Variants in DGKG observed in about 807,000 individuals in gnomAD.
The protein encoded by DGKG is diacylglycerol kinase gamma.
A neutral mutation model predicts 105.3 loss-of-function variants in DGKG; 78 were observed. The ratio of observed to expected loss-of-function variants is 0.74; its 90% CI spans 0.62 to 0.89. The LOEUF (loss-of-function observed/expected upper bound fraction) is 0.89. Ranked by LOEUF, DGKG falls within the 40% of genes least tolerant of loss-of-function variation. The probability of loss-of-function intolerance (pLI) is 0.00; values close to 1 mark genes in which losing one functional copy is unlikely to be tolerated. For synonymous variants in DGKG, 346 were observed against 367.1 expected, an observed-to-expected ratio of 0.94 and a Z score of 0.66; for missense variants, 958 against 1,020.1, an observed-to-expected ratio of 0.94 and a Z score of 0.83.
chr3:186,149,829 C>G lies in DGKG; in HGVS notation c.*261G>C. ...GGGAATGTGGAGGTTGCTGCCTAAG[C>G]CAGCCACAACCTCATGGGCCCTAAG... is the stretch of plus-strand genomic sequence containing the variant. On this transcript the variant is annotated 3_prime_UTR_variant, in exon 25 of 25. Coordinates refer to ENST00000265022, the MANE Select transcript of DGKG (RefSeq NM_001346.3). The G allele has an allele frequency of 8.5e-7, 1 of 1,178,128 alleles. No homozygotes were observed. The highest frequency in any genetic ancestry group is 1.1e-6 in the Non-Finnish European group (1 of 951,322). 73.0% of individuals were successfully genotyped at this position (1,178,128 alleles called of 1,614,324 possible).
intron 21 of DGKG, among the ~76,000 whole-genome samples, chr3:186,202,464 G>T (rs189769846): frequency 6.6e-6 from 1 of 152,326 alleles, no homozygotes; most frequent in East Asian, 1.9e-4. Context: ...GGAAGAAAAG[G>T]ATTGTAATGT....
intron 11 of DGKG, among the ~76,000 whole-genome samples, chr3:186,270,488 T>A (rs1722265575): frequency 1.3e-5 from 2 of 152,230 alleles, no homozygotes; most frequent in East Asian, 3.8e-4. Context: ...CCCCTAAGAA[T>A]GTTTTTGGCA....
chr3:186,181,179 C>T (rs1717342824), intron 22 of DGKG, among the ~76,000 whole-genome samples: 1 of 152,172 alleles, frequency 6.6e-6, no homozygotes. Context: ...TTATTGAGGC[C>T]TGGCTCCCCC....
intron 3 of DGKG, among the ~76,000 whole-genome samples, chr3:186,306,513 T>A (rs1265416969): frequency 6.6e-6 from 1 of 151,954 alleles, no homozygotes; most frequent in African/African-American, 2.4e-5. Flanking sequence ...TGGACGTAGA[T>A]AGGAGCATGG....
At chr3:186,194,158 G>C (rs1718054982) in intron 21 of DGKG, among the ~76,000 whole-genome samples, 1 of 152,250 alleles carries the variant, frequency 6.6e-6, no homozygotes, top group Admixed American at 6.5e-5. Context: ...CTGAGCCACG[G>C]GTGGTTGGTT....
chr3:186,277,578 T>C (rs1722644015), intron 9 of DGKG, among the ~76,000 whole-genome samples: 1 of 152,230 alleles, frequency 6.6e-6, no homozygotes, highest in Non-Finnish European at 1.5e-5. Context: ...GGATTGTCAG[T>C]GTATCTGAAA....
Position 186,203,455 on chromosome 3 carries a change from T to C in DGKG, c.1917+8340A>G, listed in dbSNP as rs1718573482. On this transcript the variant is annotated intron_variant, in intron 21 of 24. Transcript: ENST00000265022. This position sits in a 1 kb window ranked among gnomAD's most constrained non-coding sequence, Gnocchi z 4.9. ...TTCTGCCATGAATTTGGATTACCTT[T>C]GTAATCGGGAAAAGAGGTTAGCCCA... Among the ~76,000 whole-genome samples the C allele has an allele frequency of 6.6e-6, 1 of 152,230 alleles. No homozygotes were observed. The highest frequency in any genetic ancestry group is 1.5e-5 in the Non-Finnish European group (1 of 68,034).
At chr3:186,307,594 G>T (rs1724310946) in intron 2 of DGKG, among the ~76,000 whole-genome samples, 1 of 152,132 alleles carries the variant, frequency 6.6e-6, no homozygotes, top group African/African-American at 2.4e-5. Flanking sequence ...TTATTAACTT[G>T]CCTATCTTGC....
Position 186,298,167 on chromosome 3 carries a change from C to G in DGKG, c.207G>C (p.Gln69His). 2 of 1,614,008 alleles carry G rather than the reference C, an allele frequency of 1.2e-6. No individual in the cohort carries two copies. The highest frequency in any genetic ancestry group is 2.2e-5 in the South Asian group (2 of 91,068). ...CCAGGAAGAGGTGAGTGCTCAGTGG[C>G]TGGGGAAGGTCCACCTCCAGGTACG... is the stretch of plus-strand genomic sequence containing the variant. ...MRAYLEVDLPQPLSTHLFLAF... is the reference protein window; with the variant it reads ...MRAYLEVDLPHPLSTHLFLAF... Residue 69 changes from glutamine to histidine, a missense_variant, in exon 4 of 25, where the codon CAG (glutamine) becomes CAC (histidine). By Grantham distance (24) the Gln-to-His change is conservative. This residue lies in a region of DGKG where 643 missense variants were observed against 619.5 expected (regional missense o/e 1.04). Transcript: ENST00000265022.
At chr3:186,299,673 C>T (rs977685292) in intron 3 of DGKG, among the ~76,000 whole-genome samples, 16 of 152,162 alleles carry the variant, frequency 1.1e-4, no homozygotes, top group Non-Finnish European at 4.4e-5. Flanking sequence ...TTCATTGCCT[C>T]AGAATGTCCC....
chr3:186,189,274 C>CTTTA (rs1717792989), intron 21 of DGKG, among the ~76,000 whole-genome samples: 2 of 152,218 alleles, frequency 1.3e-5, no homozygotes, highest in African/African-American at 2.4e-5. Flanking sequence ...TTTATCCAAT[C>CTTTA]TCCACAACTT....
chr3:186,331,808 G>T (rs999724687), intron 1 of DGKG, among the ~76,000 whole-genome samples: 2 of 152,196 alleles, frequency 1.3e-5, no homozygotes, highest in Non-Finnish European at 2.9e-5. Flanking sequence ...ACAAATCACT[G>T]TAATAACAAG....
chr3:186,216,998 A>C (rs1041546316), intron 20 of DGKG, among the ~76,000 whole-genome samples: 7 of 152,142 alleles, frequency 4.6e-5, no homozygotes. Context: ...TTCTACTCAC[A>C]AAGTTGTGAG....
chr3:186,341,805 G>T (rs375769888), intron 1 of DGKG, among the ~76,000 whole-genome samples: 4,123 of 152,164 alleles, frequency 0.027, 198 homozygotes, highest in African/African-American at 0.091. Flanking sequence ...AGAAAATGTG[G>T]CACATATACA....
intron 21 of DGKG, among the ~76,000 whole-genome samples, chr3:186,201,149 C>A (rs992560914): frequency 2.0e-5 from 3 of 151,570 alleles, no homozygotes; most frequent in African/African-American, 7.3e-5. Context: ...GTTTTTTTCT[C>A]TTTCTTTCTT....
intron 1 of DGKG, among the ~76,000 whole-genome samples, chr3:186,338,586 T>A (rs905458795): frequency 6.6e-6 from 1 of 152,244 alleles, no homozygotes; most frequent in South Asian, 2.1e-4. Context: ...ACATGAAATG[T>A]AATCATGGTT....
chr3:186,270,887 T>C (rs1308188085), intron 11 of DGKG, among the ~76,000 whole-genome samples: 2 of 152,230 alleles, frequency 1.3e-5, no homozygotes, highest in African/African-American at 4.8e-5. Context: ...CTCATTGGCC[T>C]CACTCTGTTC....
chr3:186,354,718 C>T (rs567854325), intron 1 of DGKG, among the ~76,000 whole-genome samples: 3 of 152,270 alleles, frequency 2.0e-5, no homozygotes, highest in East Asian at 1.9e-4. Flanking sequence ...ACTTAAGAAG[C>T]GAATTCCAAG....
intron 21 of DGKG, among the ~76,000 whole-genome samples, chr3:186,193,245 G>T (rs34151264): frequency 2.0e-5 from 3 of 152,194 alleles, no homozygotes; most frequent in African/African-American, 7.2e-5. Flanking sequence ...AAGGCAGAGA[G>T]ACATGGGTTT....
Sources: gnomAD v4.1 joint callset for allele counts (sites outside exome capture counted in the v4.1 genomes callset) on GRCh38, gnomAD v4.1.1 for gene constraint, gnomAD v4.1.1 regional missense constraint, Gnocchi (gnomAD v3.1) non-coding constraint, MANE v1.5 for transcripts, NCBI Gene and HGNC (gene_info 2026-07-23, HGNC 2026-07-21) for gene names.